Variants in VIPAS39 observed in about 807,000 individuals in gnomAD.
VIPAS39 encodes VPS33B interacting protein, apical-basolateral polarity regulator, spe-39 homolog.
In VIPAS39, 63 loss-of-function variants were observed where a neutral mutation model predicts 84.7. The observed-to-expected ratio is 0.74, with a 90% CI of 0.61 to 0.92. The LOEUF is 0.92. Ranked by LOEUF, VIPAS39 falls within the 40% of genes least tolerant of loss-of-function variation. VIPAS39 has a pLI of 0.00. For synonymous variants in VIPAS39, 192 were observed against 216.5 expected (o/e 0.89, Z 0.99); for missense variants, 499 against 604.5 (o/e 0.83, Z 1.83).
At chr14:77,453,186 T>C (rs965872852) in intron 3 of VIPAS39, 113 bp downstream of exon 3, 7 of 1,096,688 alleles carry the variant, frequency 6.4e-6, no homozygotes, top group African/African-American at 4.6e-5. Context: ...TATCTGAAAA[T>C]AGTCTTATCC....
intron 3 of VIPAS39, among the ~76,000 whole-genome samples, chr14:77,452,251 G>A (rs1369390292): frequency 6.6e-6 from 1 of 152,076 alleles, no homozygotes; most frequent in East Asian, 1.9e-4. Context: ...GTAAAAATGG[G>A]ATAAGAATAC....
At chr14:77,449,475 T>A in intron 5 of VIPAS39, 118 bp from the exon 6 acceptor site, 2 of 1,372,658 alleles carry the variant, frequency 1.5e-6, no homozygotes, top group South Asian at 1.2e-5. Flanking sequence ...GTTAACTTTA[T>A]GGCCAAAAGC....
intron 3 of VIPAS39, 50 bp from the exon 4 acceptor site, chr14:77,451,383 T>C: frequency 6.2e-7 from 1 of 1,613,742 alleles, no homozygotes; most frequent in South Asian, 1.1e-5. Flanking sequence ...CAATAAAGCC[T>C]TGACATCCAA....
At chr14:77,449,964 A>G (rs1284563986) in intron 4 of VIPAS39, among the ~76,000 whole-genome samples, 3 of 152,248 alleles carry the variant, frequency 2.0e-5, no homozygotes, top group African/African-American at 7.2e-5. Flanking sequence ...TATACATAAC[A>G]AAATTTACCA....
intron 4 of VIPAS39, among the ~76,000 whole-genome samples, chr14:77,450,702 G>A (rs2078868156): frequency 6.6e-6 from 1 of 152,120 alleles, no homozygotes; most frequent in Admixed American, 6.5e-5. Flanking sequence ...TAGAGACGGG[G>A]TTTCACCATA....
chr14:77,441,178 G>C, intron 10 of VIPAS39, 85 bp from the exon 11 acceptor site: 1 of 1,471,290 alleles, frequency 6.8e-7, no homozygotes, highest in African/African-American at 1.4e-5. Context: ...CCTCCTCTAG[G>C]AGAAACACAA....
intron 18 of VIPAS39, among the ~76,000 whole-genome samples, 163 bp downstream of exon 18, chr14:77,428,843 A>C (rs1309850619): frequency 1.3e-5 from 2 of 152,200 alleles, no homozygotes; most frequent in Non-Finnish European, 2.9e-5. Flanking sequence ...TGGGAAAATA[A>C]TACAGGAGTG....
chr14:77,454,243 G>T, intron 1 of VIPAS39, 141 bp from the exon 2 acceptor site: 1 of 766,416 alleles, frequency 1.3e-6, no homozygotes, highest in Non-Finnish European at 2.3e-6. Context: ...TATTGAACCT[G>T]CCATATAAAA....
chr14:77,433,620 T>C (rs1324323462), intron 16 of VIPAS39, among the ~76,000 whole-genome samples: 3 of 152,196 alleles, frequency 2.0e-5, no homozygotes, highest in African/African-American at 7.2e-5. Context: ...CATGGCAAAA[T>C]TGTTAATAAA....
chr14:77,427,508 A>C lies in VIPAS39; in HGVS notation c.*108T>G. ...AGAGTAGCTGGCACTGCCCATGGGT[A>C]ATGGGCCCAAGCGATGTGATGCCGC... On this transcript the variant is annotated 3_prime_UTR_variant, in exon 20 of 20. Coordinates refer to ENST00000557658, the MANE Select transcript of VIPAS39 (RefSeq NM_001193315.2). 259 of 1,256,008 alleles carry C rather than the reference A, an allele frequency of 2.1e-4. No individual in the cohort carries two copies. The highest frequency in any genetic ancestry group is 2.7e-4 in the Non-Finnish European group (233 of 858,716). 77.8% of individuals were successfully genotyped at this position (1,256,008 alleles called of 1,614,324 possible). A position where few individuals can be genotyped will look rare whatever the true frequency, so the allele number is the denominator to read the frequency against.
intron 14 of VIPAS39, 91 bp downstream of exon 14, chr14:77,435,168 A>G: frequency 6.3e-7 from 1 of 1,585,454 alleles, no homozygotes; most frequent in Non-Finnish European, 8.7e-7. Flanking sequence ...ATACATACCC[A>G]TTATTAATAG....
Position 77,428,437 on chromosome 14 carries a change from G to C in VIPAS39, c.1394C>G (p.Ala465Gly). The change falls in exon 19 of 20, where the codon GCA becomes GGA. Residue 465 changes from alanine (A) to glycine (G), a missense_variant. Ala to Gly is a moderately conservative substitution (Grantham distance 60). Transcript: ENST00000557658. The part of the protein sequence containing the change: ...RDLKDRQQLL[A>G]YRSKVDKGSA... ...TCCTTTATCTACCTTACTCCTGTAT[G>C]CTAGCAACTGTTGACGATCCTTCAG... 1 of 1,614,038 alleles carries C rather than the reference G, an allele frequency of 6.2e-7. No individual in the cohort carries two copies. The highest frequency in any genetic ancestry group is 1.3e-5 in the African/African-American group (1 of 75,018).
intron 16 of VIPAS39, among the ~76,000 whole-genome samples, chr14:77,432,346 T>A (rs1424531695): frequency 1.3e-5 from 2 of 152,144 alleles, no homozygotes; most frequent in Non-Finnish European, 2.9e-5. Flanking sequence ...GCAGCCATCA[T>A]GAAAAACAGT....
intron 12 of VIPAS39, among the ~76,000 whole-genome samples, chr14:77,436,651 G>A (rs889337228): frequency 3.9e-5 from 6 of 152,028 alleles, no homozygotes; most frequent in Admixed American, 2.0e-4. Context: ...CACCATGTTC[G>A]CCAGGACGGT....
Position 77,429,092 on chromosome 14 carries a change from A to G in VIPAS39, c.1270T>C (p.Leu424=), listed in dbSNP as rs1244098430. The G allele has an allele frequency of 1.9e-6, 3 of 1,613,442 alleles. No homozygotes were observed. The highest frequency in any genetic ancestry group is 2.7e-5 in the African/African-American group (2 of 74,904). ...LHKNNAPVQI[L]QEYVNLVEDV... ...TCCACCAGATTGACATACTCCTGTA[A>G]TATCTGTGGGAAGAGGTACTTCCGA... is the stretch of plus-strand genomic sequence containing the variant. Residue 424 remains leucine (L), a synonymous_variant, in exon 18 of 20, where the codon TTA becomes CTA. Coordinates refer to ENST00000557658, the MANE Select transcript of VIPAS39 (RefSeq NM_001193315.2).
chr14:77,453,411 G>A lies in VIPAS39; in HGVS notation c.94-10C>T. ...GCTTGGACTCCTTTAACTGCAGAGG[G>A]ACACAAGGCTAGGGTGCTCAGGCAA... On this transcript the variant is annotated splice_polypyrimidine_tract_variant and intron_variant, in intron 2 of 19. Transcript: ENST00000557658. The A allele has an allele frequency of 6.2e-7, 1 of 1,613,138 alleles. No individual in the cohort carries two copies. The highest frequency in any genetic ancestry group is 8.5e-7 in the Non-Finnish European group (1 of 1,179,202).
chr14:77,443,949 G>A (rs769624814), intron 8 of VIPAS39, among the ~76,000 whole-genome samples: 2 of 150,444 alleles, frequency 1.3e-5, no homozygotes, highest in Non-Finnish European at 2.9e-5. Context: ...CCTGAGGTGA[G>A]AGGATCACTT....
chr14:77,443,083 C>T, intron 9 of VIPAS39, 36 bp downstream of exon 9: 2 of 1,614,022 alleles, frequency 1.2e-6, no homozygotes, highest in Non-Finnish European at 1.7e-6. Flanking sequence ...TGGCAGACAC[C>T]TTGCTGACTG....
chr14:77,438,625 A>C (rs1304494346), intron 11 of VIPAS39, among the ~76,000 whole-genome samples: 1 of 152,228 alleles, frequency 6.6e-6, no homozygotes, highest in East Asian at 1.9e-4. Context: ...CTTTACCTTT[A>C]AGTTTCACTT....
Sources: gnomAD v4.1 joint callset for allele counts (sites outside exome capture counted in the v4.1 genomes callset) on GRCh38, gnomAD v4.1.1 for gene constraint, MANE v1.5 for transcripts, NCBI Gene and HGNC (gene_info 2026-07-23, HGNC 2026-07-21) for gene names.